CDKN2B-AS1: variants seen among roughly 807,000 people sequenced by gnomAD.
The protein encoded by CDKN2B-AS1 is CDKN2B antisense RNA 1 (non-protein coding).
chr9:22,004,072 G>T (rs1163043307), intron 1 of CDKN2B-AS1: 2 of 232,364 alleles, frequency 8.6e-6, no homozygotes, highest in Admixed American at 1.1e-4. Flanking sequence ...GTCCTCATCT[G>T]GGAAACAATA....
intron 4 of CDKN2B-AS1, among the ~76,000 whole-genome samples, chr9:22,111,180 GTATC>G (rs1159655257): frequency 6.6e-6 from 1 of 152,026 alleles, no homozygotes; most frequent in Non-Finnish European, 1.5e-5. Flanking sequence ...GTATATGTAT[GTATC>G]TGTCTGTCTG....
intron 1 of CDKN2B-AS1, chr9:22,003,928 G>C (rs1170580457): frequency 4.3e-6 from 1 of 232,460 alleles, no homozygotes; most frequent in South Asian, 1.8e-4. Flanking sequence ...TGATTTTGGA[G>C]GACAAGCTGG....
At chr9:22,103,981 A>G (rs1825574788) in intron 4 of CDKN2B-AS1, among the ~76,000 whole-genome samples, 1 of 152,208 alleles carries the variant, frequency 6.6e-6, no homozygotes, top group East Asian at 1.9e-4. Context: ...ATATACGTAA[A>G]TTCTATTGTG....
Position 22,045,038 on chromosome 9 carries a change from T to TTGTGTGTGTGTGTGTGTGTGTG in CDKN2B-AS1, n.30-1701_30-1680dup, listed in dbSNP as rs3028395. 2.8e-3 allele frequency among the ~76,000 whole-genome samples: 398 copies of TTGTGTGTGTGTGTGTGTGTGTG among 141,938 alleles called. 2 individuals are homozygous for TTGTGTGTGTGTGTGTGTGTGTG. The highest frequency in any genetic ancestry group is 0.01 in the African/African-American group (377 of 36,562). The allele number at this position is 141,938 out of a possible 152,430, so 93.1% of individuals were successfully genotyped here. On this transcript the variant is annotated intron_variant and non_coding_transcript_variant, in intron 1 of 4. Coordinates refer to ENST00000650946, the Ensembl canonical transcript of CDKN2B-AS1. ...TTTCTTTTGGAAAAATATTATTTATTTGTGTGTGTGTGTGTGTGTGTGTGT... is the reference window on the plus strand; with the variant it reads ...TTTCTTTTGGAAAAATATTATTTATTTGTGTGTGTGTGTGTGTGTGTGTGTGTGTGTGTGTGTGTGTGTGTGT...
intron 1 of CDKN2B-AS1, among the ~76,000 whole-genome samples, chr9:22,020,858 C>G (rs1171029714): frequency 6.6e-6 from 1 of 152,006 alleles, no homozygotes; most frequent in Non-Finnish European, 1.5e-5. Context: ...TTTCTTTTAC[C>G]GTGCAGAAGC....
chr9:22,124,837 T>G (rs1157933907), intron 4 of CDKN2B-AS1, among the ~76,000 whole-genome samples: 2 of 152,228 alleles, frequency 1.3e-5, no homozygotes, highest in Non-Finnish European at 2.9e-5. Flanking sequence ...ACAGGCTTTA[T>G]GAGTTATAGC....
intron 1 of CDKN2B-AS1, chr9:22,046,375 A>G (rs558559510): frequency 6.6e-6 from 1 of 152,256 alleles, no homozygotes; most frequent in East Asian, 1.9e-4. Context: ...AGACCACATC[A>G]ATGATGAAGC....
Position 21,999,561 on chromosome 9 carries a change from C to T in CDKN2B-AS1, n.29+4400C>T, listed in dbSNP as rs1820835026. Among the ~76,000 whole-genome samples, 1 of 151,902 alleles carries T rather than the reference C, an allele frequency of 6.6e-6. No homozygotes were observed. On this transcript the variant is annotated intron_variant and non_coding_transcript_variant, in intron 1 of 4. Coordinates refer to ENST00000650946, the Ensembl canonical transcript of CDKN2B-AS1. This position sits in a 1 kb window ranked among gnomAD's most constrained non-coding sequence, Gnocchi z 4.7. ...CATATGTATATATGGATAGATTTTA[C>T]ACCTACAGACACATTTAGATATGTA...
At chr9:22,010,779 T>C (rs2131196967) in intron 1 of CDKN2B-AS1, among the ~76,000 whole-genome samples, 1 of 152,366 alleles carries the variant, frequency 6.6e-6, no homozygotes, top group Middle Eastern at 3.4e-3. Context: ...CCTTTTACTC[T>C]TATGCTCTTG....
At chr9:22,057,443 A>C (rs886507929) in intron 4 of CDKN2B-AS1, among the ~76,000 whole-genome samples, 2 of 152,232 alleles carry the variant, frequency 1.3e-5, no homozygotes, top group Non-Finnish European at 2.9e-5. Flanking sequence ...ATAAAGGTAG[A>C]TGCAGCATCT....
At chr9:22,080,111 A>G (rs1274233541) in intron 4 of CDKN2B-AS1, among the ~76,000 whole-genome samples, 1 of 152,244 alleles carries the variant, frequency 6.6e-6, no homozygotes, top group African/African-American at 2.4e-5. Context: ...GTACTGAATG[A>G]ATAATCACCA....
intron 4 of CDKN2B-AS1, among the ~76,000 whole-genome samples, chr9:22,103,550 C>T (rs1185486870): frequency 1.3e-5 from 2 of 152,138 alleles, no homozygotes; most frequent in Admixed American, 1.3e-4. Context: ...GATGTGATGC[C>T]ACACCTCAGA....
intron 4 of CDKN2B-AS1, chr9:22,117,712 A>C (rs1473000501): frequency 6.6e-6 from 1 of 152,268 alleles, no homozygotes; most frequent in Non-Finnish European, 1.5e-5. Context: ...GAGAAACAGG[A>C]AGGAATGTTT....
intron 4 of CDKN2B-AS1, among the ~76,000 whole-genome samples, chr9:22,072,684 T>C (rs965362643): frequency 2.6e-5 from 4 of 152,236 alleles, no homozygotes; most frequent in African/African-American, 9.6e-5. Context: ...TTTAGTGACA[T>C]ATTAGACTCC....
chr9:21,996,019 A>G lies in CDKN2B-AS1; in HGVS notation n.29+858A>G, dbSNP rs933642898. ...GCTTCCTGTTCATGCGCTTGGGCCT[A>G]GTGGCCTAGTTGAAGAAGTGGAACC... On this transcript the variant is annotated intron_variant and non_coding_transcript_variant, in intron 1 of 4. Transcript: ENST00000650946. The surrounding 1 kb of genome is among the most constrained non-coding windows in gnomAD (Gnocchi z 5.4). 6.6e-6 allele frequency: 1 copy of G among 152,494 alleles called. No homozygotes were observed. The highest frequency in any genetic ancestry group is 2.4e-5 in the African/African-American group (1 of 41,460). 9.4% of individuals were successfully genotyped at this position (152,494 alleles called of 1,614,324 possible). A position where few individuals can be genotyped will look rare whatever the true frequency, so the allele number is the denominator to read the frequency against.
intron 1 of CDKN2B-AS1, among the ~76,000 whole-genome samples, chr9:22,027,726 G>A (rs1440313856): frequency 6.6e-6 from 1 of 152,128 alleles, no homozygotes; most frequent in Non-Finnish European, 1.5e-5. Context: ...GTGACAAAGA[G>A]TAAAAGATTC....
At chr9:22,031,773 A>G (rs1054072065) in intron 1 of CDKN2B-AS1, among the ~76,000 whole-genome samples, 3 of 152,174 alleles carry the variant, frequency 2.0e-5, no homozygotes, top group Non-Finnish European at 2.9e-5. Flanking sequence ...TGCTCATACC[A>G]ATAGAATATG....
rs372575750 is a variant in CDKN2B-AS1, at chr9:22,082,405, T to C, written n.438+26018T>C. Among the ~76,000 whole-genome samples, 53 of 152,340 alleles carry C rather than the reference T, an allele frequency of 3.5e-4. No individual in the cohort carries two copies. In the South Asian group the frequency reaches 0.01, roughly 29 times the overall value. On this transcript the variant is annotated intron_variant and non_coding_transcript_variant, in intron 4 of 4. Transcript: ENST00000650946. The stretch of plus-strand genomic sequence containing the variant: ...CATCAGAAAATGTTATTTCCTCCTT[T>C]TGTTGATCATGATATAGAGGCCCAG...
chr9:22,003,715 C>T (rs924594605), intron 1 of CDKN2B-AS1: 1 of 231,672 alleles, frequency 4.3e-6, no homozygotes, highest in Non-Finnish European at 8.5e-6. Context: ...GTTCCATTAT[C>T]TTTGTTCCAA....
Sources: gnomAD v4.1 joint callset for allele counts (sites outside exome capture counted in the v4.1 genomes callset) on GRCh38, gnomAD v4.1.1 for gene constraint, Gnocchi (gnomAD v3.1) non-coding constraint, MANE v1.5 for transcripts, NCBI Gene and HGNC (gene_info 2026-07-23, HGNC 2026-07-21) for gene names.